PTCHD1: variants seen among roughly 807,000 people sequenced by gnomAD.
The protein encoded by PTCHD1 is patched domain-containing protein 1.
In PTCHD1, 3 loss-of-function variants were observed where a neutral mutation model predicts 34.6. That is an observed-to-expected ratio of 0.09 (90% CI 0.04 to 0.22). The LOEUF (loss-of-function observed/expected upper bound fraction) is 0.22. Among genes scored for constraint, PTCHD1 ranks in the 10% least tolerant of loss-of-function variants. The probability of loss-of-function intolerance (pLI) is 1.00; values close to 1 mark genes in which losing one functional copy is unlikely to be tolerated. For synonymous variants in PTCHD1, 305 were observed against 283.1 expected (o/e 1.08, Z -0.77); for missense variants, 504 against 685.5 (o/e 0.74, Z 2.96).
rs1374588754 is a variant in PTCHD1, at chrX:23,398,430, A to G, written c.*4245A>G. 9.0e-6 allele frequency: 1 copy of G among 110,992 alleles called. No individual in the cohort carries two copies. Among genetic ancestry groups the G allele is most frequent in the Non-Finnish European group, 1.9e-5 (1 of 52,961 alleles). 9.1% of individuals were successfully genotyped at this position (110,992 alleles called of 1,213,427 possible). A position where few individuals can be genotyped will look rare whatever the true frequency, so the allele number is the denominator to read the frequency against. ...AAGTCCTGGATGTTGGCATCATACT[A>G]TGATCTTTGAAAAAAACAGATACAG... On this transcript the variant is annotated 3_prime_UTR_variant, in exon 3 of 3. Coordinates refer to ENST00000379361, the MANE Select transcript of PTCHD1 (RefSeq NM_173495.3).
At chrX:23,384,661 C>A (rs7878139) in intron 2 of PTCHD1, among the ~76,000 whole-genome samples, 12,551 of 111,620 alleles carry the variant, frequency 0.11, 1,643 homozygotes, top group African/African-American at 0.38. Context: ...CCAACTGAAA[C>A]ATTGAAATTC....
At chrX:23,339,260 G>A (rs999996478) in intron 1 of PTCHD1, among the ~76,000 whole-genome samples, 1 of 112,070 alleles carries the variant, frequency 8.9e-6, no homozygotes, top group Non-Finnish European at 1.9e-5. Flanking sequence ...CAGTTACTAG[G>A]ATTCTTTGTT....
intron 2 of PTCHD1, among the ~76,000 whole-genome samples, chrX:23,388,831 GA>G (rs539710655): frequency 6.4e-4 from 61 of 94,717 alleles, no homozygotes; most frequent in East Asian, 9.7e-4. Context: ...ACTCCGTCTC[GA>G]AAAAAAAAAA....
chrX:23,338,092 C>T (rs1367224608), intron 1 of PTCHD1, among the ~76,000 whole-genome samples: 1 of 111,886 alleles, frequency 8.9e-6, no homozygotes, highest in Non-Finnish European at 1.9e-5. Context: ...TTACCATACT[C>T]TGACCACTGT....
intron 2 of PTCHD1, among the ~76,000 whole-genome samples, chrX:23,388,949 C>G (rs1422387018): frequency 1.8e-5 from 2 of 112,039 alleles, no homozygotes; most frequent in East Asian, 2.8e-4. Flanking sequence ...CTCCTTGACT[C>G]CAGGTGGCCC....
chrX:23,364,598 C>T (rs760475956), intron 1 of PTCHD1, among the ~76,000 whole-genome samples: 38 of 112,127 alleles, frequency 3.4e-4, no homozygotes, highest in South Asian at 7.4e-4. Context: ...CCTGTACTGG[C>T]AGCAATGCCG....
In PTCHD1 at chrX:23,402,317, C is replaced by G. The variant is rs1288010856; in HGVS notation, c.*8132C>G. On this transcript the variant is annotated 3_prime_UTR_variant, in exon 3 of 3. Coordinates refer to ENST00000379361, the MANE Select transcript of PTCHD1 (RefSeq NM_173495.3). ...TACCAAACTCTCTGTCTCTCTCTCT[C>G]TCTCTCACACACACACACACAGAGT... 1 of 111,551 alleles carries G rather than the reference C, an allele frequency of 9.0e-6. No homozygotes were observed. The highest frequency in any genetic ancestry group is 3.3e-5 in the African/African-American group (1 of 30,504). 9.2% of individuals were successfully genotyped at this position (111,551 alleles called of 1,213,427 possible).
At position 23,394,175 on chromosome X, in the gene PTCHD1, C is replaced by A. The variant is rs1411135055; in HGVS notation, c.2657C>A (p.Thr886Lys). Reference sequence around the variant, plus strand: ...AGTACCCGTGTGGTTGACCAAATTACAACAGTGTGATAATGTCTGCTTGGC... The same window carrying A: ...AGTACCCGTGTGGTTGACCAAATTAAAACAGTGTGATAATGTCTGCTTGGC... ...IDSTRVVDQI[T>K]TV is the part of the protein sequence containing the mutation. Residue 886 changes from threonine (T) to lysine (K), a missense_variant, in exon 3 of 3, where the codon ACA (threonine) becomes AAA (lysine). Coordinates refer to ENST00000379361, the MANE Select transcript of PTCHD1 (RefSeq NM_173495.3). The A allele has an allele frequency of 8.4e-7, 1 of 1,189,535 alleles. No homozygotes were observed. Among genetic ancestry groups the A allele is most frequent in the East Asian group, 3.0e-5 (1 of 33,695 alleles).
In PTCHD1 at chrX:23,357,419, C is replaced by A. The variant is rs949730132; in HGVS notation, c.352-22172C>A. Among the ~76,000 whole-genome samples the A allele has an allele frequency of 2.7e-5, 3 of 111,349 alleles. No homozygotes were observed. In the Admixed American group the frequency reaches 2.9e-4, roughly 11 times the overall value. ...TGCTGAGGATATGGGGTAACTGGAA[C>A]TCTTATACATTGCTGGTGAGACTGT... On this transcript the variant is annotated intron_variant, in intron 1 of 2. Transcript: ENST00000379361.
chrX:23,383,828 G>A (rs1461242790), intron 2 of PTCHD1, among the ~76,000 whole-genome samples: 1 of 111,891 alleles, frequency 8.9e-6, no homozygotes, highest in Non-Finnish European at 1.9e-5. Flanking sequence ...TACCCTTATC[G>A]TGCATAAAAT....
At chrX:23,354,844 T>A (rs1921758920) in intron 1 of PTCHD1, among the ~76,000 whole-genome samples, 1 of 109,097 alleles carries the variant, frequency 9.2e-6, no homozygotes, top group East Asian at 2.9e-4. Flanking sequence ...GTGCTGGGAT[T>A]ATAGGGGTGA....
At chrX:23,367,329 C>T (rs975475403) in intron 1 of PTCHD1, among the ~76,000 whole-genome samples, 1 of 112,081 alleles carries the variant, frequency 8.9e-6, no homozygotes, top group African/African-American at 3.2e-5. Flanking sequence ...GTCTGAGACC[C>T]ATCACAGACT....
intron 1 of PTCHD1, among the ~76,000 whole-genome samples, chrX:23,355,236 G>A (rs1461413423): frequency 3.6e-5 from 4 of 111,396 alleles, no homozygotes; most frequent in Admixed American, 9.5e-5. Context: ...AGCAGCCAAT[G>A]ACTGACAGAC....
intron 1 of PTCHD1, among the ~76,000 whole-genome samples, chrX:23,345,718 A>AGC (rs1256726841): frequency 8.1e-4 from 90 of 111,583 alleles, no homozygotes; most frequent in African/African-American, 2.9e-3. Flanking sequence ...GCTATAAAGT[A>AGC]TCCTAGAAAT....
intron 1 of PTCHD1, among the ~76,000 whole-genome samples, chrX:23,343,202 A>G (rs1226744161): frequency 8.9e-6 from 1 of 112,907 alleles, no homozygotes; most frequent in Admixed American, 9.4e-5. Flanking sequence ...CATCTTTGAC[A>G]AATCTTGGTT....
chrX:23,368,041 A>G (rs762810464), intron 1 of PTCHD1, among the ~76,000 whole-genome samples: 2 of 110,449 alleles, frequency 1.8e-5, no homozygotes, highest in Non-Finnish European at 3.8e-5. Context: ...CATCAACAGC[A>G]TTAACAGGAG....
intron 1 of PTCHD1, among the ~76,000 whole-genome samples, chrX:23,363,832 T>C (rs1009193166): frequency 8.9e-6 from 1 of 112,702 alleles, no homozygotes; most frequent in African/African-American, 3.2e-5. Flanking sequence ...GTTCAATATT[T>C]ACCAACATAC....
Position 23,359,490 on chromosome X carries a change from A to G in PTCHD1, c.352-20101A>G, listed in dbSNP as rs190813886. ...ATGGGAATGCTTGTGATTTTTGTAC[A>G]TTGATTTTGTATCCTGAGACTTTGC... On this transcript the variant is annotated intron_variant, in intron 1 of 2. Coordinates refer to ENST00000379361, the MANE Select transcript of PTCHD1 (RefSeq NM_173495.3). 4.8e-3 allele frequency among the ~76,000 whole-genome samples: 539 copies of G among 112,094 alleles called. 6 individuals carry two copies. The highest frequency in any genetic ancestry group is 0.017 in the African/African-American group (517 of 30,814).
At chrX:23,354,868 G>A (rs1039915480) in intron 1 of PTCHD1, among the ~76,000 whole-genome samples, 9 of 106,799 alleles carry the variant, frequency 8.4e-5, no homozygotes, top group Non-Finnish European at 1.8e-4. Context: ...ACCACACCCG[G>A]CCAAAATTCT....
Sources: allele counts gnomAD v4.1 joint callset (sites outside exome capture counted in the v4.1 genomes callset), GRCh38; gene constraint gnomAD v4.1.1; transcripts MANE v1.5; gene names NCBI Gene and HGNC (gene_info 2026-07-23, HGNC 2026-07-21).